The following ADK variants were observed in gnomAD, a reference collection of about 807,000 sequenced individuals.
The protein encoded by ADK is N6,N6-dimethyladenosine kinase.
A neutral mutation model predicts 44.7 loss-of-function variants in ADK; 24 were observed. The ratio of observed to expected loss-of-function variants is 0.54; its 90% confidence interval spans 0.39 to 0.76. The LOEUF (loss-of-function observed/expected upper bound fraction) is 0.76, where lower values mean the gene tolerates loss of function less well. ADK is among the 30% of genes least tolerant of loss of function. The probability of loss-of-function intolerance (pLI) is 0.00; values close to 1 mark genes in which losing one functional copy is unlikely to be tolerated. For synonymous variants in ADK, 128 were observed against 142.6 expected (o/e 0.90, Z 0.73); for missense variants, 321 against 425.1 (o/e 0.76, Z 2.15).
At chr10:74,625,544 A>T (rs1468968156) in intron 9 of ADK, among the ~76,000 whole-genome samples, 1 of 152,176 alleles carries the variant, frequency 6.6e-6, no homozygotes, top group Admixed American at 6.5e-5. Context: ...TCACACTTCC[A>T]TTTGTTTATA....
At chr10:74,499,910 T>G (rs561992769) in intron 6 of ADK, among the ~76,000 whole-genome samples, 4 of 152,294 alleles carry the variant, frequency 2.6e-5, no homozygotes, top group Admixed American at 2.6e-4. Flanking sequence ...GGCAGGGATG[T>G]GTATGAAAGA....
intron 6 of ADK, among the ~76,000 whole-genome samples, chr10:74,481,763 G>A (rs566985053): frequency 6.6e-6 from 1 of 151,708 alleles, no homozygotes; most frequent in Non-Finnish European, 1.5e-5. Flanking sequence ...CTTCGAATAT[G>A]GTATTTTCCT....
chr10:74,608,707 G>A (rs940293535), intron 9 of ADK, among the ~76,000 whole-genome samples: 1 of 152,274 alleles, frequency 6.6e-6, no homozygotes, highest in Non-Finnish European at 1.5e-5. Context: ...AGGCATGGGG[G>A]TCAGGGACCC....
chr10:74,703,430 CA>C (rs35913612), intron 10 of ADK, among the ~76,000 whole-genome samples: 125 of 151,084 alleles, frequency 8.3e-4, no homozygotes, highest in African/African-American at 2.9e-3. Context: ...TGCAGTGAGC[CA>C]AAAAAAATTA....
chr10:74,195,410 A>T (rs181755452), intron 1 of ADK, among the ~76,000 whole-genome samples: 1 of 152,210 alleles, frequency 6.6e-6, no homozygotes, highest in African/African-American at 2.4e-5. Context: ...GCAAAGTTTT[A>T]TTTGCTTTTG....
chr10:74,344,179 A>G (rs763873594), intron 4 of ADK, among the ~76,000 whole-genome samples: 20 of 152,166 alleles, frequency 1.3e-4, no homozygotes, highest in Non-Finnish European at 2.8e-4. Context: ...GTATCATAGT[A>G]ATACTGGCCT....
rs752385282 is a variant in ADK, at chr10:74,238,856, CTTT to C, written c.194+14287_194+14289del. ...TTGAAAACTGCCACTTTAGCTAGTG[CTTT>C]TTTTTTTTTTTTTTTTTTTTTAAGA... On this transcript the variant is annotated intron_variant, in intron 3 of 10. Coordinates refer to ENST00000539909, the MANE Select transcript of ADK (RefSeq NM_006721.4). Among the ~76,000 whole-genome samples, 620 of 88,194 alleles carry C rather than the reference CTTT, an allele frequency of 7.0e-3. 9 individuals carry two copies. The highest frequency in any genetic ancestry group is 0.028 in the African/African-American group (593 of 21,016). 57.9% of individuals were successfully genotyped at this position (88,194 alleles called of 152,430 possible). A position where few individuals can be genotyped will look rare whatever the true frequency, so the allele number is the denominator to read the frequency against.
rs575651933 is a variant in ADK, at chr10:74,177,819, C to A, written c.66-22945C>A. ...CTGGTGATTTGAGGGCTTCTCAATG[C>A]CAATTTTTACTACATTGTGTTTAAG... On this transcript the variant is annotated intron_variant, in intron 1 of 10. Coordinates refer to ENST00000539909, the MANE Select transcript of ADK (RefSeq NM_006721.4). Among the ~76,000 whole-genome samples the A allele has an allele frequency of 4.2e-4, 63 of 151,526 alleles. No individual in the cohort carries two copies. In the South Asian group the frequency reaches 4.8e-3, roughly 12 times the overall value.
chr10:74,590,424 C>G (rs894142800), intron 8 of ADK, among the ~76,000 whole-genome samples: 1 of 152,060 alleles, frequency 6.6e-6, no homozygotes, highest in Non-Finnish European at 1.5e-5. Flanking sequence ...GGCAGATTAT[C>G]AAGCAGCAAA....
At chr10:74,163,018 A>T (rs920109730) in intron 1 of ADK, among the ~76,000 whole-genome samples, 2 of 151,536 alleles carry the variant, frequency 1.3e-5, no homozygotes, top group Non-Finnish European at 2.9e-5. Context: ...CCCAGGCTGG[A>T]GTGCAGTGGC....
intron 1 of ADK, among the ~76,000 whole-genome samples, chr10:74,188,880 C>T (rs1054258349): frequency 1.3e-5 from 2 of 152,076 alleles, no homozygotes; most frequent in Admixed American, 6.6e-5. Flanking sequence ...TCAAGCGATT[C>T]TTCTGCCTCA....
chr10:74,293,333 A>G (rs1839696607), intron 3 of ADK, among the ~76,000 whole-genome samples: 1 of 152,184 alleles, frequency 6.6e-6, no homozygotes, highest in Non-Finnish European at 1.5e-5. Context: ...AAATTATGTT[A>G]ACAGCAATAT....
intron 3 of ADK, among the ~76,000 whole-genome samples, chr10:74,300,279 C>CTTCCTTCCTTCCTTCCTTCCTTCCTTCT (rs1839970116): frequency 1.4e-5 from 1 of 70,272 alleles, no homozygotes; most frequent in African/African-American, 5.3e-5. Context: ...TCCTTCCTTC[C>CTTCCTTCCTTCCTTCCTTCCTTCCTTCT]TTCCTTCCTT....
At chr10:74,343,696 C>T (rs1464315845) in intron 4 of ADK, among the ~76,000 whole-genome samples, 1 of 152,172 alleles carries the variant, frequency 6.6e-6, no homozygotes, top group Non-Finnish European at 1.5e-5. Flanking sequence ...GCAACTTCTG[C>T]CTCCCAGGTT....
At chr10:74,449,236 T>G (rs1421578940) in intron 6 of ADK, among the ~76,000 whole-genome samples, 2 of 152,186 alleles carry the variant, frequency 1.3e-5, no homozygotes, top group African/African-American at 2.4e-5. Flanking sequence ...ATTTTATTAT[T>G]ATTATACTTT....
At chr10:74,520,804 A>G (rs535743884) in intron 6 of ADK, among the ~76,000 whole-genome samples, 13 of 152,196 alleles carry the variant, frequency 8.5e-5, no homozygotes, top group African/African-American at 3.1e-4. Flanking sequence ...TCCTACTGCT[A>G]CCACTTTGTG....
At chr10:74,278,055 G>A (rs1027362679) in intron 3 of ADK, among the ~76,000 whole-genome samples, 2 of 151,780 alleles carry the variant, frequency 1.3e-5, no homozygotes, top group Non-Finnish European at 2.9e-5. Context: ...AAAATGTTGT[G>A]TCAAAATCTA....
chr10:74,300,034 TTTC>T (rs1411324809), intron 3 of ADK, among the ~76,000 whole-genome samples: 1 of 151,810 alleles, frequency 6.6e-6, no homozygotes, highest in Non-Finnish European at 1.5e-5. Flanking sequence ...GTTTCTTTTC[TTTC>T]TTCTTCTTCG....
intron 9 of ADK, among the ~76,000 whole-genome samples, chr10:74,608,848 G>C (rs902136450): frequency 2.0e-5 from 3 of 152,164 alleles, no homozygotes; most frequent in African/African-American, 4.8e-5. Context: ...CAGGTGCTCT[G>C]TCCCAGAGAG....
Sources: gnomAD v4.1 joint callset for allele counts (sites outside exome capture counted in the v4.1 genomes callset) on GRCh38, gnomAD v4.1.1 for gene constraint, MANE v1.5 for transcripts, NCBI Gene and HGNC (gene_info 2026-07-23, HGNC 2026-07-21) for gene names.